Variants in AOAH observed in about 807,000 individuals in gnomAD.
The protein encoded by AOAH is acyloxyacyl hydrolase (neutrophil).
In AOAH, 64 loss-of-function variants were observed where a neutral mutation model predicts 92.2. The ratio of observed to expected loss-of-function variants is 0.69; its 90% confidence interval spans 0.57 to 0.86. The LOEUF (loss-of-function observed/expected upper bound fraction) is 0.86. AOAH is among the 40% of genes least tolerant of loss of function. AOAH has a pLI of 0.00. For missense variants in AOAH, 656 were observed against 694.6 expected (o/e 0.94, Z 0.62); for synonymous variants, 263 against 254.5 (o/e 1.03, Z -0.32).
chr7:36,721,754 C>T (rs1799643921), intron 1 of AOAH, among the ~76,000 whole-genome samples: 1 of 152,134 alleles, frequency 6.6e-6, no homozygotes, highest in Non-Finnish European at 1.5e-5. Flanking sequence ...TAGAGATGAC[C>T]ACACATTTCT....
intron 13 of AOAH, among the ~76,000 whole-genome samples, chr7:36,557,976 C>G (rs932072347): frequency 3.9e-5 from 6 of 152,336 alleles, no homozygotes; most frequent in Non-Finnish European, 5.9e-5. Flanking sequence ...AAGCCTTCTT[C>G]TCTCAACTCG....
chr7:36,569,271 A>T (rs945993121), intron 13 of AOAH, among the ~76,000 whole-genome samples: 2 of 152,186 alleles, frequency 1.3e-5, no homozygotes, highest in South Asian at 2.1e-4. Context: ...TGCCAGTGAA[A>T]AAGACATTAT....
At chr7:36,621,806 G>A in intron 7 of AOAH, 26 bp from the exon 8 acceptor site, 2 of 1,611,356 alleles carry the variant, frequency 1.2e-6, no homozygotes, top group South Asian at 1.1e-5. Context: ...ACACACAGGA[G>A]GGGTTCAGCC....
chr7:36,599,718 G>C (rs1308457426), intron 11 of AOAH: 1 of 152,184 alleles, frequency 6.6e-6, no homozygotes, highest in Non-Finnish European at 1.5e-5. Context: ...TCAAGGCCCG[G>C]GAATCAAAGA....
intron 1 of AOAH, among the ~76,000 whole-genome samples, chr7:36,720,146 T>TTTTCG (rs1799523774): frequency 6.6e-6 from 1 of 151,826 alleles, no homozygotes; most frequent in South Asian, 2.1e-4. Flanking sequence ...AAAGTTTTTT[T>TTTTCG]TTTTGTTTTG....
At chr7:36,713,376 A>T (rs2116983686) in intron 1 of AOAH, among the ~76,000 whole-genome samples, 1 of 152,236 alleles carries the variant, frequency 6.6e-6, no homozygotes, top group South Asian at 2.1e-4. Flanking sequence ...CACAATAATA[A>T]TGGGAGACTT....
At chr7:36,541,423 C>T (rs958686796) in intron 15 of AOAH, among the ~76,000 whole-genome samples, 1 of 152,170 alleles carries the variant, frequency 6.6e-6, no homozygotes, top group Non-Finnish European at 1.5e-5. Flanking sequence ...CCTAAGTGAG[C>T]TGAAAGTGAC....
intron 5 of AOAH, among the ~76,000 whole-genome samples, chr7:36,637,599 AG>A (rs1185163999): frequency 1.3e-5 from 2 of 152,206 alleles, no homozygotes; most frequent in Non-Finnish European, 1.5e-5. Context: ...TACAAAGCCC[AG>A]GACAGCCTGC....
chr7:36,550,572 G>A (rs1786157629), intron 13 of AOAH, among the ~76,000 whole-genome samples: 2 of 152,252 alleles, frequency 1.3e-5, no homozygotes, highest in African/African-American at 2.4e-5. Flanking sequence ...AGTCCCTTCC[G>A]TCTGCCATCC....
intron 13 of AOAH, among the ~76,000 whole-genome samples, chr7:36,557,638 T>C (rs1040336442): frequency 2.6e-5 from 4 of 152,230 alleles, no homozygotes; most frequent in African/African-American, 9.6e-5. Flanking sequence ...GACGTAGATT[T>C]GGTCTTTTCA....
rs879238573 is a variant in AOAH, at chr7:36,513,033, T to C, written c.*219A>G. ...GCACCCAAAGCACTTTATGAAAGGT[T>C]ATTTCAGGAACAGCGGAAGGGTTAC... is the stretch of plus-strand genomic sequence containing the variant. On this transcript the variant is annotated 3_prime_UTR_variant, in exon 21 of 21. Transcript: ENST00000617537. 2.0e-6 allele frequency: 3 copies of C among 1,535,630 alleles called. No homozygotes were observed. In the South Asian group the frequency reaches 3.6e-5, roughly 18 times the overall value.
chr7:36,701,995 T>C (rs1318376347), intron 1 of AOAH, among the ~76,000 whole-genome samples: 12 of 152,140 alleles, frequency 7.9e-5, no homozygotes, highest in African/African-American at 2.7e-4. Flanking sequence ...CTTATCATAA[T>C]GTATTTTAAG....
chr7:36,626,771 C>CTTGT (rs551438638), intron 6 of AOAH, among the ~76,000 whole-genome samples: 1 of 152,022 alleles, frequency 6.6e-6, no homozygotes, highest in Non-Finnish European at 1.5e-5. Flanking sequence ...TCCAAGGCTT[C>CTTGT]TTGTTTGTTT....
rs569632418 is a variant in AOAH at position 36,612,978 on chromosome 7, AT to A, written c.846+3401del. On this transcript the variant is annotated intron_variant, in intron 11 of 20. Transcript: ENST00000617537. ...TTACATTTCTCTTTTAATTTTGTGA[AT>A]TTTTTTGACATTGTACACATTTGAA... Among the ~76,000 whole-genome samples the A allele has an allele frequency of 2.3e-3, 349 of 151,922 alleles. 2 individuals are homozygous for A. The highest frequency in any genetic ancestry group is 8.1e-3 in the African/African-American group (336 of 41,418).
chr7:36,675,305 G>A (rs192901942), intron 2 of AOAH, among the ~76,000 whole-genome samples: 1 of 152,266 alleles, frequency 6.6e-6, no homozygotes, highest in African/African-American at 2.4e-5. Flanking sequence ...AATTAAAACT[G>A]TGTCCTCACA....
At chr7:36,628,175 C>CATAG (rs1038653829) in intron 6 of AOAH, among the ~76,000 whole-genome samples, 2 of 152,130 alleles carry the variant, frequency 1.3e-5, no homozygotes, top group African/African-American at 4.8e-5. Flanking sequence ...AAGGAAAAAA[C>CATAG]ATAGCATTGA....
At chr7:36,651,186 T>A (rs1794554891) in intron 4 of AOAH, among the ~76,000 whole-genome samples, 1 of 152,228 alleles carries the variant, frequency 6.6e-6, no homozygotes, top group South Asian at 2.1e-4. Context: ...TTCCTCACTG[T>A]TTGTCTATAG....
At position 36,516,997 on chromosome 7, in the gene AOAH, A is replaced by C. The variant is rs551110581; in HGVS notation, c.1600-3617T>G. 5.3e-5 allele frequency among the ~76,000 whole-genome samples: 8 copies of C among 152,316 alleles called. No homozygotes were observed. In the South Asian group the frequency reaches 6.2e-4, roughly 12 times the overall value. On this transcript the variant is annotated intron_variant, in intron 20 of 20. Coordinates refer to ENST00000617537, the MANE Select transcript of AOAH (RefSeq NM_001637.4). This position sits in a 1 kb window ranked among gnomAD's most constrained non-coding sequence, Gnocchi z 5.0. ...TGGCATGCTTATCACCAAACTAGAG[A>C]CTTGTGATAAAATGATCCACTGTAA...
At chr7:36,693,499 T>C (rs1562703647) in intron 1 of AOAH, among the ~76,000 whole-genome samples, 1 of 148,054 alleles carries the variant, frequency 6.8e-6, no homozygotes, top group Non-Finnish European at 1.5e-5. Flanking sequence ...CACAGAATTT[T>C]ATCCAAATTT....
Sources: allele counts gnomAD v4.1 joint callset (sites outside exome capture counted in the v4.1 genomes callset), GRCh38; gene constraint gnomAD v4.1.1; non-coding constraint Gnocchi (gnomAD v3.1); transcripts MANE v1.5; gene names NCBI Gene and HGNC (gene_info 2026-07-23, HGNC 2026-07-21).